The following RYR1 variants were observed in gnomAD, a reference collection of about 807,000 sequenced individuals.
RYR1 encodes central core disease of muscle.
A neutral mutation model predicts 583.5 loss-of-function variants in RYR1; 342 were observed. The ratio of observed to expected loss-of-function variants is 0.59; its 90% CI spans 0.54 to 0.64. The LOEUF is 0.64. Among genes scored for constraint, RYR1 ranks in the 30% least tolerant of loss-of-function variants. The probability of loss-of-function intolerance (pLI) is 0.00; values close to 1 mark genes in which losing one functional copy is unlikely to be tolerated. For missense variants in RYR1, 6,032 were observed against 6,917.2 expected, an observed-to-expected ratio of 0.87 and a Z score of 4.54; for synonymous variants, 2,791 against 2,822.5, an observed-to-expected ratio of 0.99 and a Z score of 0.35.
At position 38,528,704 on chromosome 19, in the gene RYR1, G is replaced by C; in HGVS notation, c.11034+9G>C. ...TGATAGATGACCTTTCAGTGAGCTGGGACCCGCCTGGGGGAGTGGGGGGCG... is the reference window on the plus strand; with the variant it reads ...TGATAGATGACCTTTCAGTGAGCTGCGACCCGCCTGGGGGAGTGGGGGGCG... On this transcript the variant is annotated intron_variant, in intron 75 of 105. Coordinates refer to ENST00000359596, the MANE Select transcript of RYR1 (RefSeq NM_000540.3). 6.2e-7 allele frequency: 1 copy of C among 1,613,972 alleles called. No individual in the cohort carries two copies. The highest frequency in any genetic ancestry group is 8.5e-7 in the Non-Finnish European group (1 of 1,179,842).
intron 69 of RYR1, 159 bp downstream of exon 69, chr19:38,523,468 C>T: frequency 1.3e-6 from 1 of 743,872 alleles, no homozygotes; most frequent in South Asian, 1.6e-5. Flanking sequence ...TCCCTTCCTC[C>T]CCAGCTCCTT....
At chr19:38,569,916 C>T (rs545134098) in intron 93 of RYR1, among the ~76,000 whole-genome samples, 1 of 152,308 alleles carries the variant, frequency 6.6e-6, no homozygotes, top group South Asian at 2.1e-4. Context: ...ATAATCCTAG[C>T]ACTTTGGGAG....
intron 27 of RYR1, among the ~76,000 whole-genome samples, chr19:38,471,193 T>C (rs1250303395): frequency 6.6e-6 from 1 of 152,242 alleles, no homozygotes; most frequent in Non-Finnish European, 1.5e-5. Context: ...TTACTTTGAA[T>C]GCAAATCACA....
intron 73 of RYR1, 28 bp from the exon 74 acceptor site, chr19:38,528,278 T>A (rs761153490): frequency 6.3e-7 from 1 of 1,579,006 alleles, no homozygotes; most frequent in Non-Finnish European, 8.7e-7. Context: ...GGTCTGGGGA[T>A]GTGACTGTCC....
At chr19:38,532,275 T>C (rs985387923) in intron 76 of RYR1, among the ~76,000 whole-genome samples, 1 of 151,928 alleles carries the variant, frequency 6.6e-6, no homozygotes, top group Non-Finnish European at 1.5e-5. Context: ...GCAAGCACCA[T>C]CACACCCGGC....
chr19:38,535,123 T>C lies in RYR1; in HGVS notation c.11360-18T>C. On this transcript the variant is annotated intron_variant, in intron 79 of 105. Transcript: ENST00000359596. Reference sequence around the variant, plus strand: ...CTTCCAACTGGGTGGACCATCTTTTTTCTCCCACTCCCTCCAGGAGAGACA... The same window carrying C: ...CTTCCAACTGGGTGGACCATCTTTTCTCTCCCACTCCCTCCAGGAGAGACA... 1 of 1,612,194 alleles carries C rather than the reference T, an allele frequency of 6.2e-7. No individual in the cohort carries two copies. Among genetic ancestry groups the C allele is most frequent in the Non-Finnish European group, 8.5e-7 (1 of 1,179,824 alleles).
rs1234211004 is a variant in RYR1, at chr19:38,443,705, T to C, written c.346-13T>C. 6.2e-7 allele frequency: 1 copy of C among 1,614,090 alleles called. No individual in the cohort carries two copies. Among genetic ancestry groups the C allele is most frequent in the South Asian group, 1.1e-5 (1 of 91,082 alleles). ...CCTGCTAGAAGGAGGCTGACCTCCC[T>C]CTACAACCCTAGTATCTGAGCTGCC... On this transcript the variant is annotated splice_polypyrimidine_tract_variant and intron_variant, in intron 4 of 105. Coordinates refer to ENST00000359596, the MANE Select transcript of RYR1 (RefSeq NM_000540.3).
chr19:38,449,397 T>C (rs1600658810), intron 11 of RYR1, among the ~76,000 whole-genome samples: 1 of 151,708 alleles, frequency 6.6e-6, no homozygotes, highest in South Asian at 2.1e-4. Flanking sequence ...GAAGTGGAGG[T>C]TGGGAGTGAG....
rs758813719 is a variant in RYR1, at chr19:38,496,999, G to C, written c.6891+45G>C. ...GCCCCAGGCCTAAGGGAGGAAATCG[G>C]GCCGCTACCCGGCTGCTTGGGACAC... On this transcript the variant is annotated intron_variant, in intron 42 of 105. Transcript: ENST00000359596. The surrounding 1 kb of genome is among the most constrained non-coding windows in gnomAD (Gnocchi z 4.8). 6.5e-7 allele frequency: 1 copy of C among 1,547,544 alleles called. No individual in the cohort carries two copies. The highest frequency in any genetic ancestry group is 8.9e-7 in the Non-Finnish European group (1 of 1,121,154).
At chr19:38,560,993 A>T in intron 89 of RYR1, 120 bp from the exon 90 acceptor site, 1 of 885,074 alleles carries the variant, frequency 1.1e-6, no homozygotes, top group Non-Finnish European at 1.7e-6. Context: ...TTGAGCTGTG[A>T]TTGCGCCACT....
chr19:38,544,345 C>T (rs571560686), intron 87 of RYR1, among the ~76,000 whole-genome samples: 1 of 152,120 alleles, frequency 6.6e-6, no homozygotes, highest in Non-Finnish European at 1.5e-5. Flanking sequence ...CCTTCCATTT[C>T]CATAATCCTT....
intron 71 of RYR1, among the ~76,000 whole-genome samples, chr19:38,526,521 G>T (rs990661843): frequency 1.3e-4 from 19 of 151,900 alleles, no homozygotes; most frequent in African/African-American, 3.9e-4. Context: ...CCCTCACCTT[G>T]GTCCTTGAGG....
intron 79 of RYR1, 62 bp from the exon 80 acceptor site, chr19:38,535,079 G>T: frequency 1.3e-6 from 2 of 1,538,068 alleles, no homozygotes; most frequent in South Asian, 1.1e-5. Context: ...GCTGTTTTCT[G>T]GTGGGTGGAA....
intron 91 of RYR1, among the ~76,000 whole-genome samples, chr19:38,566,497 TA>T (rs1973443124): frequency 2.6e-5 from 2 of 76,586 alleles, no homozygotes; most frequent in Admixed American, 2.4e-4. Context: ...AGACCAAGAC[TA>T]AAAAAAGTCC....
At chr19:38,564,866 C>T in intron 90 of RYR1, 93 bp from the exon 91 acceptor site, 1 of 1,524,404 alleles carries the variant, frequency 6.6e-7, no homozygotes, top group South Asian at 1.2e-5. Flanking sequence ...ACAGCGCCTG[C>T]CGCGGTGACC....
chr19:38,547,819 T>C (rs534992270), intron 88 of RYR1, among the ~76,000 whole-genome samples: 2 of 151,726 alleles, frequency 1.3e-5, no homozygotes, highest in Admixed American at 1.3e-4. Flanking sequence ...GTTCAAGCAA[T>C]TCTCGTGCCT....
In RYR1 at chr19:38,500,082, C is replaced by T. The variant is rs1970038677; in HGVS notation, c.7323+66C>T. 7.2e-7 allele frequency: 1 copy of T among 1,397,818 alleles called. No homozygotes were observed. Among genetic ancestry groups the T allele is most frequent in the African/African-American group, 1.4e-5 (1 of 70,726 alleles). 86.6% of individuals were successfully genotyped at this position (1,397,818 alleles called of 1,614,324 possible). A position where few individuals can be genotyped will look rare whatever the true frequency, so the allele number is the denominator to read the frequency against. Reference sequence around the variant, plus strand: ...GCACAGCCGCTTTGAACGCCTCATGCAGGCACTCGGTGACACGGAGTGAGC... The same window carrying T: ...GCACAGCCGCTTTGAACGCCTCATGTAGGCACTCGGTGACACGGAGTGAGC... On this transcript the variant is annotated intron_variant, in intron 45 of 105. Coordinates refer to ENST00000359596, the MANE Select transcript of RYR1 (RefSeq NM_000540.3). This position sits in a 1 kb window ranked among gnomAD's most constrained non-coding sequence, Gnocchi z 5.9.
chr19:38,478,748 G>A (rs528851865), intron 31 of RYR1, 148 bp downstream of exon 31: 120 of 845,822 alleles, frequency 1.4e-4, no homozygotes, highest in Non-Finnish European at 2.2e-4. Context: ...AGACCACCTT[G>A]TTGAAACTTC....
intron 27 of RYR1, among the ~76,000 whole-genome samples, chr19:38,470,940 A>G (rs927596372): frequency 3.9e-5 from 6 of 152,226 alleles, no homozygotes; most frequent in Non-Finnish European, 7.3e-5. Context: ...GACACCTGCC[A>G]CTACCAGATG....
Sources: allele counts gnomAD v4.1 joint callset (sites outside exome capture counted in the v4.1 genomes callset), GRCh38; gene constraint gnomAD v4.1.1; non-coding constraint Gnocchi (gnomAD v3.1); transcripts MANE v1.5; gene names NCBI Gene and HGNC (gene_info 2026-07-23, HGNC 2026-07-21).